Variants in NDUFA5 observed in about 807,000 individuals in gnomAD.
The protein encoded by NDUFA5 is NADH dehydrogenase [ubiquinone] 1 alpha subcomplex subunit 5.
A neutral mutation model predicts 19.8 loss-of-function variants in NDUFA5; 11 were observed. The observed-to-expected ratio is 0.56, with a 90% CI of 0.35 to 0.92. NDUFA5 has a LOEUF of 0.92. Among genes scored for constraint, NDUFA5 ranks in the 40% least tolerant of loss-of-function variants. NDUFA5 has a pLI of 0.01. For missense variants in NDUFA5, 109 were observed against 134.2 expected (o/e 0.81, Z 0.93); for synonymous variants, 47 against 46.8 (o/e 1.00, Z -0.01).
the NDUFA5 span, among the ~76,000 whole-genome samples, chr7:123,571,270 AT>A: frequency 6.6e-6 from 1 of 152,206 alleles, no homozygotes; most frequent in Non-Finnish European, 1.5e-5. Flanking sequence ...TTTGATTATT[AT>A]TCAGTATTAA....
At chr7:123,596,858 T>C in the NDUFA5 span, among the ~76,000 whole-genome samples, 3 of 152,206 alleles carry the variant, frequency 2.0e-5, no homozygotes, top group East Asian at 3.8e-4. Flanking sequence ...AGTACAATAC[T>C]GAATTTTCAA....
chr7:123,545,459 C>T, intron 4 of NDUFA5, 152 bp downstream of exon 4: 4 of 626,742 alleles, frequency 6.4e-6, no homozygotes, highest in Non-Finnish European at 1.1e-5. Flanking sequence ...AATCAACATA[C>T]ACATGAGAAG....
the NDUFA5 span, among the ~76,000 whole-genome samples, chr7:123,579,336 T>C: frequency 6.6e-6 from 1 of 152,106 alleles, no homozygotes. Flanking sequence ...TTAGTTATAG[T>C]TAAAAATAAG....
intron 2 of NDUFA5, 99 bp from the exon 3 acceptor site, chr7:123,550,685 G>GTTTT: frequency 4.4e-6 from 2 of 450,772 alleles, no homozygotes; most frequent in Non-Finnish European, 7.5e-6. Flanking sequence ...ACTCACATCT[G>GTTTT]TTTTTTTTTT....
the NDUFA5 span, among the ~76,000 whole-genome samples, chr7:123,577,168 A>T: frequency 6.6e-6 from 1 of 152,144 alleles, no homozygotes; most frequent in Non-Finnish European, 1.5e-5. Flanking sequence ...GATGTTTTGA[A>T]CTTAGATGTA....
intron 2 of NDUFA5, 123 bp downstream of exon 2, chr7:123,557,281 C>A (rs753540083): frequency 1.5e-6 from 2 of 1,377,210 alleles, no homozygotes; most frequent in Admixed American, 1.9e-5. Context: ...GTCTCAAGAG[C>A]TCACGCGGCT....
chr7:123,570,751 G>C, the NDUFA5 span, among the ~76,000 whole-genome samples: 2,666 of 152,210 alleles, frequency 0.018, 88 homozygotes, highest in African/African-American at 0.061. Flanking sequence ...CCTAACTTGG[G>C]TCAAGTAGGT....
chr7:123,563,338 A>T, the NDUFA5 span, among the ~76,000 whole-genome samples: 1 of 152,156 alleles, frequency 6.6e-6, no homozygotes, highest in Non-Finnish European at 1.5e-5. Context: ...AGCATTATTA[A>T]CTGGCCTAAT....
upstream of NDUFA5, among the ~76,000 whole-genome samples, chr7:123,561,013 G>T (rs1271066676): frequency 1.3e-5 from 2 of 152,114 alleles, no homozygotes; most frequent in African/African-American, 2.4e-5. Context: ...ACACTGAAAA[G>T]TATTAAATAT....
intron 4 of NDUFA5, among the ~76,000 whole-genome samples, chr7:123,542,978 A>C (rs567521191): frequency 6.6e-6 from 1 of 152,350 alleles, no homozygotes; most frequent in South Asian, 2.1e-4. Context: ...AACACCTGTC[A>C]GGATGTTAGA....
At chr7:123,571,747 G>A in the NDUFA5 span, among the ~76,000 whole-genome samples, 3 of 152,124 alleles carry the variant, frequency 2.0e-5, no homozygotes, top group Non-Finnish European at 2.9e-5. Flanking sequence ...AAATTTTTAA[G>A]AAGAAAAGTG....
At chr7:123,550,419 C>G in intron 3 of NDUFA5, 51 bp downstream of exon 3, 1 of 297,882 alleles carries the variant, frequency 3.4e-6, no homozygotes, top group Non-Finnish European at 5.6e-6. Context: ...AGGAACTAAA[C>G]TTTTTTGGTT....
the NDUFA5 span, among the ~76,000 whole-genome samples, chr7:123,591,705 GTTT>G: frequency 1.3e-5 from 2 of 152,160 alleles, no homozygotes; most frequent in East Asian, 3.9e-4. Flanking sequence ...GTTTGCCAGT[GTTT>G]TACTGAGGAT....
At chr7:123,548,050 C>T (rs1158976548) in intron 3 of NDUFA5, among the ~76,000 whole-genome samples, 1 of 151,876 alleles carries the variant, frequency 6.6e-6, no homozygotes, top group Non-Finnish European at 1.5e-5. Flanking sequence ...TGGACAGGGA[C>T]ACAAACAACG....
intron 3 of NDUFA5, among the ~76,000 whole-genome samples, chr7:123,547,636 G>A: frequency 6.6e-6 from 1 of 152,050 alleles, no homozygotes; most frequent in East Asian, 1.9e-4. Context: ...ACTCATATGA[G>A]AGACCAAAAA....
chr7:123,568,415 G>T, the NDUFA5 span, among the ~76,000 whole-genome samples: 1 of 151,918 alleles, frequency 6.6e-6, no homozygotes, highest in Non-Finnish European at 1.5e-5. Flanking sequence ...ACCTACTTGG[G>T]AGGCTGAGAC....
the NDUFA5 span, among the ~76,000 whole-genome samples, chr7:123,563,199 G>C: frequency 6.6e-6 from 1 of 152,136 alleles, no homozygotes; most frequent in Non-Finnish European, 1.5e-5. Flanking sequence ...ACTGGTGCAA[G>C]AGGCCTACTT....
At chr7:123,550,806 C>A (rs916170003) in intron 2 of NDUFA5, among the ~76,000 whole-genome samples, 22 of 151,642 alleles carry the variant, frequency 1.5e-4, no homozygotes, top group African/African-American at 4.4e-4. Context: ...TGGGAACATT[C>A]TGTATTTTCT....
At chr7:123,567,319 T>C in the NDUFA5 span, among the ~76,000 whole-genome samples, 1 of 152,186 alleles carries the variant, frequency 6.6e-6, no homozygotes, top group African/African-American at 2.4e-5. Flanking sequence ...TAAATGTTCT[T>C]ATCCTCTTCA....
Sources: allele counts gnomAD v4.1 joint callset (sites outside exome capture counted in the v4.1 genomes callset), GRCh38; gene constraint gnomAD v4.1.1; transcripts MANE v1.5; gene names NCBI Gene and HGNC (gene_info 2026-07-23, HGNC 2026-07-21).